PCDHA5: variants seen among roughly 807,000 people sequenced by gnomAD.
PCDHA5 encodes protocadherin alpha-5.
PCDHA5 carries 43 observed loss-of-function variants against 61.6 expected under a neutral mutation model. That is an observed-to-expected ratio of 0.70 (90% CI 0.55 to 0.90). PCDHA5 has a LOEUF of 0.90. PCDHA5 is among the 40% of genes least tolerant of loss of function. PCDHA5 has a pLI of 0.00. For missense variants in PCDHA5, 1,298 were observed against 1,222.7 expected (o/e 1.06, Z -0.92); for synonymous variants, 627 against 543.9 (o/e 1.15, Z -2.13).
At position 140,835,699 on chromosome 5, in the gene PCDHA5, C is replaced by G. The variant is rs146607016; in HGVS notation, c.2352+11572C>G. 306 of 1,613,916 alleles carry G rather than the reference C, an allele frequency of 1.9e-4. 1 individual carries two copies. In the African/African-American group the frequency reaches 3.5e-3, roughly 18 times the overall value. ...GGCTCGCCTTCTCTGTGGGCCACTG[C>G]TAGCGTGTCCGTGGAGGTGGCCGAC... On this transcript the variant is annotated intron_variant, in intron 1 of 3. Coordinates refer to ENST00000529859, the MANE Select transcript of PCDHA5 (RefSeq NM_018908.3).
intron 1 of PCDHA5, chr5:140,929,256 A>T (rs572411725): frequency 1.9e-6 from 3 of 1,613,220 alleles, no homozygotes; most frequent in Non-Finnish European, 2.5e-6. Context: ...CTGGGGTAGG[A>T]CTGAATTTGC....
intron 1 of PCDHA5, chr5:140,870,984 G>T (rs1554164960): frequency 3.7e-6 from 6 of 1,613,520 alleles, no homozygotes; most frequent in Non-Finnish European, 8.5e-7. Context: ...GGCTGTACAC[G>T]GGCGAGATAA....
At chr5:140,956,949 A>G (rs1027198370) in intron 1 of PCDHA5, among the ~76,000 whole-genome samples, 5 of 140,514 alleles carry the variant, frequency 3.6e-5, no homozygotes, top group African/African-American at 1.3e-4. Flanking sequence ...TTTACATTAA[A>G]ACACTGTAAT....
chr5:141,001,245 C>G (rs1554258043), intron 3 of PCDHA5, among the ~76,000 whole-genome samples: 2 of 152,082 alleles, frequency 1.3e-5, no homozygotes, highest in Non-Finnish European at 2.9e-5. Context: ...TAAATCAACC[C>G]TATGGGGCGG....
In PCDHA5 at chr5:140,828,877, C is replaced by T. The variant is rs2150160055; in HGVS notation, c.2352+4750C>T. 121 of 1,614,072 alleles carry T rather than the reference C, an allele frequency of 7.5e-5. 1 individual carries two copies. In the South Asian group the frequency reaches 1.2e-3, roughly 15 times the overall value. On this transcript the variant is annotated intron_variant, in intron 1 of 3. Coordinates refer to ENST00000529859, the MANE Select transcript of PCDHA5 (RefSeq NM_018908.3). ...ATGCAGACAACGGAACAACAGTTAT[C>T]AGACTGAATGCTTCTGATCGGGATG...
intron 1 of PCDHA5, chr5:140,869,810 A>G: frequency 6.2e-7 from 1 of 1,612,624 alleles, no homozygotes; most frequent in South Asian, 1.1e-5. Context: ...TTGGATGTCA[A>G]CGACAATGAT....
chr5:140,839,341 G>C (rs2150296500), intron 1 of PCDHA5, among the ~76,000 whole-genome samples: 1 of 150,798 alleles, frequency 6.6e-6, no homozygotes, highest in Non-Finnish European at 1.5e-5. Context: ...AGTTGATAGG[G>C]GATCCTCCTT....
At chr5:140,980,684 G>GA (rs782726576) in intron 2 of PCDHA5, among the ~76,000 whole-genome samples, 3,276 of 145,132 alleles carry the variant, frequency 0.023, 40 homozygotes, top group Middle Eastern at 0.066. Flanking sequence ...TTTTCAAATT[G>GA]AAAAAAAAAA....
intron 1 of PCDHA5, chr5:140,968,527 G>T: frequency 3.1e-6 from 5 of 1,614,142 alleles, no homozygotes; most frequent in Non-Finnish European, 4.2e-6. Flanking sequence ...CAACCAACTC[G>T]TCAGCAGCCT....
At chr5:140,877,633 C>A (rs1366996546) in intron 1 of PCDHA5, 7 of 1,613,622 alleles carry the variant, frequency 4.3e-6, no homozygotes, top group Non-Finnish European at 5.1e-6. Context: ...GTACACTGCG[C>A]TGCGTTGCTC....
intron 1 of PCDHA5, among the ~76,000 whole-genome samples, chr5:140,912,539 T>C (rs2075967162): frequency 6.6e-6 from 1 of 152,172 alleles, no homozygotes; most frequent in Non-Finnish European, 1.5e-5. Flanking sequence ...CATGATCATA[T>C]TGTCAGCAAA....
chr5:140,891,879 A>G, intron 1 of PCDHA5, among the ~76,000 whole-genome samples: 1 of 152,196 alleles, frequency 6.6e-6, no homozygotes, highest in East Asian at 1.9e-4. Flanking sequence ...TGGCTCTGTC[A>G]TGTGACGATG....
chr5:140,851,638 T>C, intron 1 of PCDHA5: 1 of 915,858 alleles, frequency 1.1e-6, no homozygotes, highest in Non-Finnish European at 1.3e-6. Flanking sequence ...AAGTGTTTCC[T>C]TTCTTCAAGA....
At position 140,824,064 on chromosome 5, in the gene PCDHA5, A is replaced by T; in HGVS notation, c.2289A>T (p.Pro763=). ...AGAGGGTGTGCTCTGGGGAAGCTCCACCCAAAACAGACCTCATGGCCTTCA... is the reference window on the plus strand; with the variant it reads ...AGAGGGTGTGCTCTGGGGAAGCTCCTCCCAAAACAGACCTCATGGCCTTCA... ...RRQRVCSGEA[P]PKTDLMAFSP... is the part of the protein sequence containing the mutation. Residue 763 remains proline, a synonymous_variant, in exon 1 of 4, where the codon CCA becomes CCT. Transcript: ENST00000529859. The T allele has an allele frequency of 1.9e-6, 3 of 1,614,110 alleles. No homozygotes were observed. Among genetic ancestry groups the T allele is most frequent in the South Asian group, 2.2e-5 (2 of 91,080 alleles).
chr5:140,828,263 G>C, intron 1 of PCDHA5: 1 of 1,614,056 alleles, frequency 6.2e-7, no homozygotes, highest in Non-Finnish European at 8.5e-7. Context: ...GGAGCTGGCG[G>C]AGCTGGTGCC....
At chr5:140,854,065 G>T in intron 1 of PCDHA5, 1 of 276,218 alleles carries the variant, frequency 3.6e-6, no homozygotes, top group Non-Finnish European at 5.5e-6. Context: ...AGGAGGCTGA[G>T]GCGAGAGAAT....
At position 140,842,965 on chromosome 5, in the gene PCDHA5, C is replaced by A. The variant is rs2150348785; in HGVS notation, c.2352+18838C>A. 5 of 1,594,984 alleles carry A rather than the reference C, an allele frequency of 3.1e-6. 1 individual carries two copies. Among genetic ancestry groups the A allele is most frequent in the East Asian group, 4.5e-5 (2 of 44,816 alleles). On this transcript the variant is annotated intron_variant, in intron 1 of 3. Transcript: ENST00000529859. Reference sequence around the variant, plus strand: ...CGGGCGTGCCGCCTCTGGGCAGCAACGTGACGCTGCAGGTGTTCGTGCTGG... The same window carrying A: ...CGGGCGTGCCGCCTCTGGGCAGCAAAGTGACGCTGCAGGTGTTCGTGCTGG...
chr5:140,877,179 G>A (rs1554169418), intron 1 of PCDHA5: 8 of 1,613,712 alleles, frequency 5.0e-6, no homozygotes, highest in East Asian at 2.2e-5. Flanking sequence ...TGGCGACTCC[G>A]GCTGGCAGCG....
chr5:140,919,306 A>G (rs1407810868), intron 1 of PCDHA5, among the ~76,000 whole-genome samples: 1 of 152,150 alleles, frequency 6.6e-6, no homozygotes. Context: ...TGTACAATAT[A>G]TGTTTTCCCA....
Sources: gnomAD v4.1 joint callset for allele counts (sites outside exome capture counted in the v4.1 genomes callset) on GRCh38, gnomAD v4.1.1 for gene constraint, MANE v1.5 for transcripts, NCBI Gene and HGNC (gene_info 2026-07-23, HGNC 2026-07-21) for gene names.